The following COL2A1 variants were observed in gnomAD, a reference collection of about 807,000 sequenced individuals.
COL2A1 encodes collagen type II alpha 1 chain.
In COL2A1, 28 loss-of-function variants were observed where a neutral mutation model predicts 204.5. That is an observed-to-expected ratio of 0.14 (90% confidence interval 0.10 to 0.19). The LOEUF (loss-of-function observed/expected upper bound fraction) is 0.19, where lower values mean the gene tolerates loss of function less well. Among genes scored for constraint, COL2A1 ranks in the 10% least tolerant of loss-of-function variants. The pLI, the probability that COL2A1 is intolerant of heterozygous loss-of-function variation, is 1.00. For synonymous variants in COL2A1, 708 were observed against 718.7 expected (o/e 0.99, Z 0.24); for missense variants, 1,388 against 2,027.5 (o/e 0.68, Z 6.06).
Position 47,980,810 on chromosome 12 carries a change from A to T in COL2A1, c.2517+105T>A. 7.0e-7 allele frequency: 1 copy of T among 1,431,322 alleles called. No individual in the cohort carries two copies. Among genetic ancestry groups the T allele is most frequent in the East Asian group, 2.5e-5 (1 of 40,364 alleles). 88.7% of individuals were successfully genotyped at this position (1,431,322 alleles called of 1,614,324 possible). ...TAGTATGGAGGCGGGAAAGGAGAGGAGAGGAGCATCCATTTCCCTCCCTGA... is the reference window on the plus strand; with the variant it reads ...TAGTATGGAGGCGGGAAAGGAGAGGTGAGGAGCATCCATTTCCCTCCCTGA... On this transcript the variant is annotated intron_variant, in intron 38 of 53. Coordinates refer to ENST00000380518, the MANE Select transcript of COL2A1 (RefSeq NM_001844.5). The surrounding 1 kb of genome is among the most constrained non-coding windows in gnomAD (Gnocchi z 4.5).
chr12:47,980,668 T>TG lies in COL2A1; in HGVS notation c.2518-8dup. 12 of 1,608,356 alleles carry TG rather than the reference T, an allele frequency of 7.5e-6. No individual in the cohort carries two copies. The highest frequency in any genetic ancestry group is 1.0e-5 in the Non-Finnish European group (12 of 1,177,520). ...CAGGCTGGCCATCAGCACCCTATAA[T>TG]GGGAAGGAGGAAGCAGGTGAATGAG... On this transcript the variant is annotated splice_polypyrimidine_tract_variant and splice_region_variant and intron_variant, in intron 38 of 53. Transcript: ENST00000380518. This position sits in a 1 kb window ranked among gnomAD's most constrained non-coding sequence, Gnocchi z 4.5.
In COL2A1 at chr12:47,980,703, A is replaced by G. The variant is rs939169071; in HGVS notation, c.2518-42T>C. ...GAAGCAGGTGAATGAGGGGCAGGCT[A>G]AAACCCTGGAGCTCTTCCAGAAGAG... On this transcript the variant is annotated intron_variant, in intron 38 of 53. Transcript: ENST00000380518. The surrounding 1 kb of genome is among the most constrained non-coding windows in gnomAD (Gnocchi z 4.5). 3.8e-6 allele frequency: 6 copies of G among 1,568,188 alleles called. No homozygotes were observed. The highest frequency in any genetic ancestry group is 1.8e-5 in the Admixed American group (1 of 55,914).
At chr12:47,994,358 G>C in intron 12 of COL2A1, 66 bp downstream of exon 12, 4 of 1,554,888 alleles carry the variant, frequency 2.6e-6, no homozygotes, top group Non-Finnish European at 2.7e-6. Flanking sequence ...TGGATGCACT[G>C]TGTTTAAGGC....
intron 34 of COL2A1, 55 bp downstream of exon 34, chr12:47,982,447 G>A: frequency 7.1e-7 from 1 of 1,415,824 alleles, no homozygotes; most frequent in Non-Finnish European, 1.0e-6. Flanking sequence ...ATCACAAGGG[G>A]CAGGAATGTG....
At chr12:47,988,663 G>A (rs191588609) in intron 18 of COL2A1, among the ~76,000 whole-genome samples, 1 of 152,356 alleles carries the variant, frequency 6.6e-6, no homozygotes, top group East Asian at 1.9e-4. Flanking sequence ...TCCCAGGGAC[G>A]TTCACACTGG....
chr12:47,996,400 T>G (rs1240602301), intron 8 of COL2A1, 148 bp downstream of exon 8: 1 of 780,916 alleles, frequency 1.3e-6, no homozygotes, highest in African/African-American at 1.7e-5. Flanking sequence ...AACCAAATGC[T>G]TTGGGCTAGC....
At position 47,980,122 on chromosome 12, in the gene COL2A1, G is replaced by T; in HGVS notation, c.2626-60C>A. 7.0e-7 allele frequency: 1 copy of T among 1,434,740 alleles called. No individual in the cohort carries two copies. Among genetic ancestry groups the T allele is most frequent in the Non-Finnish European group, 9.6e-7 (1 of 1,041,160 alleles). 88.9% of individuals were successfully genotyped at this position (1,434,740 alleles called of 1,614,324 possible). A position where few individuals can be genotyped will look rare whatever the true frequency, so the allele number is the denominator to read the frequency against. The stretch of plus-strand genomic sequence containing the variant: ...GGCCCAAGGAAGACGGTGGGCTTCT[G>T]TCTGAGCCCCAACAATGGACCCCTG... On this transcript the variant is annotated intron_variant, in intron 39 of 53. Coordinates refer to ENST00000380518, the MANE Select transcript of COL2A1 (RefSeq NM_001844.5). This position sits in a 1 kb window ranked among gnomAD's most constrained non-coding sequence, Gnocchi z 4.5.
intron 36 of COL2A1, 84 bp downstream of exon 36, chr12:47,981,689 GGAC>G (rs1353668013): frequency 8.6e-6 from 12 of 1,402,732 alleles, no homozygotes; most frequent in Non-Finnish European, 1.2e-5. Flanking sequence ...TGGTGAGGGA[GGAC>G]AAGACAGAAC....
chr12:47,991,634 C>T (rs1387933547), intron 16 of COL2A1, among the ~76,000 whole-genome samples: 1 of 152,154 alleles, frequency 6.6e-6, no homozygotes, highest in Non-Finnish European at 1.5e-5. Context: ...ACGCTGCCAG[C>T]CTAACTACCG....
rs770394385 is a variant in COL2A1, at chr12:47,975,408, C to A, written c.3795G>T (p.Gln1265His). Residue 1265 changes from glutamine (Q) to histidine (H), a missense_variant, in exon 51 of 54, where the codon CAG (glutamine) becomes CAT (histidine). Physicochemically the swap from Gln to His is conservative, Grantham distance 24. Around this residue, in one of 3 missense-constraint regions of COL2A1, gnomAD observed 303 missense variants for 369.2 expected, o/e 0.82. Coordinates refer to ENST00000380518, the MANE Select transcript of COL2A1 (RefSeq NM_001844.5). Reference sequence around the variant, plus strand: ...CCTCGGGGCTGCGGATGCTCTCAATCTGGTTGTTGAGGGACTTGAGTGTGG... The same window carrying A: ...CCTCGGGGCTGCGGATGCTCTCAATATGGTTGTTGAGGGACTTGAGTGTGG... Reference protein sequence around the residue: ...VDATLKSLNNQIESIRSPEGS... With the variant: ...VDATLKSLNNHIESIRSPEGS... The A allele has an allele frequency of 6.2e-7, 1 of 1,614,160 alleles. No individual in the cohort carries two copies.
chr12:47,982,032 G>T, intron 35 of COL2A1, 75 bp downstream of exon 35: 1 of 1,490,410 alleles, frequency 6.7e-7, no homozygotes, highest in Non-Finnish European at 9.4e-7. Context: ...AGACTGCCCA[G>T]CCCTCTCTCC....
intron 34 of COL2A1, 61 bp downstream of exon 34, chr12:47,982,441 C>T: frequency 7.1e-7 from 1 of 1,401,932 alleles, no homozygotes; most frequent in South Asian, 1.2e-5. Flanking sequence ...GAAGCGATCA[C>T]AAGGGGCAGG....
chr12:47,973,947 C>T (rs765534900), intron 53 of COL2A1, 142 bp downstream of exon 53: 69 of 1,190,368 alleles, frequency 5.8e-5, no homozygotes, highest in Non-Finnish European at 8.3e-5. Flanking sequence ...GTCACTCAGC[C>T]TATCTTCTCT....
Position 47,995,715 on chromosome 12 carries a change from C to T in COL2A1, c.703G>A (p.Val235Ile), listed in dbSNP as rs767618731. The T allele has an allele frequency of 4.3e-6, 7 of 1,613,752 alleles. No individual in the cohort carries two copies. Among genetic ancestry groups the T allele is most frequent in the Non-Finnish European group, 5.9e-6 (7 of 1,179,830 alleles). Residue 235 changes from valine to isoleucine, a missense_variant, in exon 10 of 54, where the codon GTC (valine) becomes ATC (isoleucine). Around this residue, in one of 3 missense-constraint regions of COL2A1, gnomAD observed 884 missense variants for 1,415.8 expected, o/e 0.62. Transcript: ENST00000380518. The part of the protein sequence containing the change: ...GNPGEPGEPG[V>I]SGPMGPRGPP... Reference sequence around the variant, plus strand: ...AGGGCCGTGCTGGTACTCACAGAGACACCAGGTTCACCAGGTTCACCAGGA... The same window carrying T: ...AGGGCCGTGCTGGTACTCACAGAGATACCAGGTTCACCAGGTTCACCAGGA...
chr12:47,994,659 G>A (rs1170590867), intron 11 of COL2A1, among the ~76,000 whole-genome samples, 182 bp from the exon 12 acceptor site: 1 of 152,140 alleles, frequency 6.6e-6, no homozygotes, highest in Non-Finnish European at 1.5e-5. Flanking sequence ...TTATTCTTTT[G>A]GACACATGCA....
At chr12:48,003,076 C>T (rs1448174082) in intron 1 of COL2A1, 1 of 152,200 alleles carries the variant, frequency 6.6e-6, no homozygotes. Flanking sequence ...GAATCCCAGC[C>T]GTCGGAAACG....
At chr12:47,975,700 C>T in intron 50 of COL2A1, 95 bp from the exon 51 acceptor site, 1 of 1,393,788 alleles carries the variant, frequency 7.2e-7, no homozygotes, top group Non-Finnish European at 9.9e-7. Context: ...TGTCCCTCTT[C>T]CCAGCCCCAT....
rs761811496 is a variant in COL2A1 at position 47,998,210 on chromosome 12, T to G, written c.310-9A>C. On this transcript the variant is annotated splice_polypyrimidine_tract_variant and intron_variant, in intron 3 of 53. Coordinates refer to ENST00000380518, the MANE Select transcript of COL2A1 (RefSeq NM_001844.5). ...GGTTCTCCTTTCTGTCCCTGAAACA[T>G]GAAACATTCACAGGATTAAGCCGAG... is the stretch of plus-strand genomic sequence containing the variant. The G allele has an allele frequency of 6.2e-7, 1 of 1,614,116 alleles. No homozygotes were observed. Among genetic ancestry groups the G allele is most frequent in the East Asian group, 2.2e-5 (1 of 44,878 alleles).
chr12:47,991,427 C>T (rs1036086455), intron 16 of COL2A1, among the ~76,000 whole-genome samples: 7 of 152,142 alleles, frequency 4.6e-5, no homozygotes, highest in African/African-American at 1.4e-4. Flanking sequence ...GAGCCTACCC[C>T]GTGTCTGGGG....
Sources: allele counts gnomAD v4.1 joint callset (sites outside exome capture counted in the v4.1 genomes callset), GRCh38; gene constraint gnomAD v4.1.1; regional missense constraint gnomAD v4.1.1; non-coding constraint Gnocchi (gnomAD v3.1); transcripts MANE v1.5; gene names NCBI Gene and HGNC (gene_info 2026-07-23, HGNC 2026-07-21).